The following HS3ST5 variants were observed in gnomAD, a reference collection of about 807,000 sequenced individuals.
HS3ST5 encodes the protein heparan sulfate-glucosamine 3-sulfotransferase 5.
In HS3ST5, 10 loss-of-function variants were observed where a neutral mutation model predicts 25.4. That is an observed-to-expected ratio of 0.39 (90% CI 0.24 to 0.67). The LOEUF (loss-of-function observed/expected upper bound fraction) is 0.67, where lower values mean the gene tolerates loss of function less well. HS3ST5 is among the 30% of genes least tolerant of loss of function. The pLI, the probability that HS3ST5 is intolerant of heterozygous loss-of-function variation, is 0.44. For missense variants in HS3ST5, 324 were observed against 420.7 expected, an observed-to-expected ratio of 0.77 and a Z score of 2.01; for synonymous variants, 170 against 162.4, an observed-to-expected ratio of 1.05 and a Z score of -0.36.
chr6:114,288,156 TTTG>T (rs1774418388), intron 1 of HS3ST5, among the ~76,000 whole-genome samples: 1 of 152,058 alleles, frequency 6.6e-6, no homozygotes, highest in Admixed American at 6.6e-5. Context: ...TGCAAAAATA[TTTG>T]TTAAGTAATG....
intron 1 of HS3ST5, among the ~76,000 whole-genome samples, chr6:114,300,426 G>A (rs1003237719): frequency 6.6e-6 from 1 of 152,114 alleles, no homozygotes; most frequent in Non-Finnish European, 1.5e-5. Flanking sequence ...AGTAATTAGG[G>A]AAATGCAATC....
At chr6:114,176,063 A>T (rs1352471604) in intron 2 of HS3ST5, among the ~76,000 whole-genome samples, 1 of 152,208 alleles carries the variant, frequency 6.6e-6, no homozygotes, top group African/African-American at 2.4e-5. Context: ...TCAAGGCAAT[A>T]ATAATGATGA....
chr6:114,146,601 C>T (rs968896255), intron 3 of HS3ST5, among the ~76,000 whole-genome samples: 17 of 152,292 alleles, frequency 1.1e-4, no homozygotes, highest in African/African-American at 3.8e-4. Flanking sequence ...CTAAGTGATA[C>T]GGTTTGTATA....
intron 1 of HS3ST5, among the ~76,000 whole-genome samples, chr6:114,262,371 T>C (rs577674395): frequency 5.1e-4 from 77 of 152,020 alleles, no homozygotes; most frequent in Non-Finnish European, 1.0e-3. Flanking sequence ...CATGGTGAAA[T>C]CCCATCTCTA....
At chr6:114,082,731 A>T (rs2114767940) in intron 3 of HS3ST5, among the ~76,000 whole-genome samples, 2 of 152,316 alleles carry the variant, frequency 1.3e-5, no homozygotes, top group East Asian at 3.9e-4. Context: ...TTTTAAACTT[A>T]ACTTCCTCGG....
intron 3 of HS3ST5, chr6:114,084,265 G>GCAGTTCCC: frequency 1.2e-6 from 1 of 857,604 alleles, no homozygotes; most frequent in Non-Finnish European, 2.0e-6. Context: ...CCAATATTCA[G>GCAGTTCCC]TAGGGAACTG....
intron 3 of HS3ST5, among the ~76,000 whole-genome samples, chr6:114,121,770 CT>C (rs1776798791): frequency 6.6e-6 from 1 of 152,080 alleles, no homozygotes; most frequent in South Asian, 2.1e-4. Flanking sequence ...CACATCATTC[CT>C]TAGCATATCT....
intron 1 of HS3ST5, among the ~76,000 whole-genome samples, chr6:114,253,134 G>T (rs765024682): frequency 6.6e-6 from 1 of 152,200 alleles, no homozygotes. Flanking sequence ...GTTCAAGGCT[G>T]CAGTGAGCTA....
intron 2 of HS3ST5, among the ~76,000 whole-genome samples, chr6:114,192,335 A>C (rs1194984414): frequency 6.6e-6 from 1 of 152,218 alleles, no homozygotes; most frequent in Non-Finnish European, 1.5e-5. Flanking sequence ...AATAACTATA[A>C]GATATAGATA....
intron 1 of HS3ST5, among the ~76,000 whole-genome samples, chr6:114,339,438 A>G (rs1490497798): frequency 6.6e-6 from 1 of 152,008 alleles, no homozygotes; most frequent in Non-Finnish European, 1.5e-5. Flanking sequence ...CTAAATAACT[A>G]CTTTTGTTAA....
intron 2 of HS3ST5, among the ~76,000 whole-genome samples, chr6:114,214,891 T>C (rs558528215): frequency 6.6e-6 from 1 of 152,270 alleles, no homozygotes; most frequent in Admixed American, 6.5e-5. Flanking sequence ...TGGACCTCAC[T>C]ACCAATAGAC....
At chr6:114,215,340 A>G (rs1781703088) in intron 2 of HS3ST5, among the ~76,000 whole-genome samples, 1 of 151,996 alleles carries the variant, frequency 6.6e-6, no homozygotes, top group African/African-American at 2.4e-5. Flanking sequence ...CAACAGCAAC[A>G]AAAAACTCAG....
At chr6:114,330,709 C>T (rs1205605162) in intron 1 of HS3ST5, among the ~76,000 whole-genome samples, 2 of 152,134 alleles carry the variant, frequency 1.3e-5, no homozygotes, top group Admixed American at 1.3e-4. Context: ...GAGCCAAGAC[C>T]CCACTTGGTT....
At position 114,320,139 on chromosome 6, in the gene HS3ST5, TTGGGA is replaced by T. The variant is rs1368779787; in HGVS notation, c.-339+22051_-339+22055del. Among the ~76,000 whole-genome samples the T allele has an allele frequency of 2.6e-5, 4 of 152,254 alleles. No homozygotes were observed. The South Asian group carries it at 8.3e-4, about 32-fold the overall frequency. ...TACTCTGTAGGTGACTGCACTGTTA[TTGGGA>T]CTCTACATACATTATCTTTAATTCT... On this transcript the variant is annotated intron_variant, in intron 1 of 4. Coordinates refer to ENST00000312719, the MANE Select transcript of HS3ST5 (RefSeq NM_153612.4).
intron 1 of HS3ST5, among the ~76,000 whole-genome samples, chr6:114,330,268 T>G (rs1180628430): frequency 3.3e-5 from 5 of 152,210 alleles, no homozygotes; most frequent in African/African-American, 1.2e-4. Flanking sequence ...TTCTGAATTT[T>G]TTTTACTTTT....
chr6:114,201,748 G>A (rs1254321851), intron 2 of HS3ST5, among the ~76,000 whole-genome samples: 5 of 152,142 alleles, frequency 3.3e-5, no homozygotes, highest in Admixed American at 6.5e-5. Flanking sequence ...AATTTATAAA[G>A]GAAAGAGGTA....
At chr6:114,118,519 T>C (rs1025927248) in intron 3 of HS3ST5, among the ~76,000 whole-genome samples, 1 of 152,230 alleles carries the variant, frequency 6.6e-6, no homozygotes, top group African/African-American at 2.4e-5. Context: ...TACCATTATT[T>C]ACCATTATCT....
Position 114,150,673 on chromosome 6 carries a change from T to A in HS3ST5, c.-33+17678A>T, listed in dbSNP as rs148736957. ...AAAGGAGGATTTGCATTCTATAGCA[T>A]ACATGCAATATTTTTTAAAAAAGAT... On this transcript the variant is annotated intron_variant, in intron 3 of 4. Transcript: ENST00000312719. Among the ~76,000 whole-genome samples, 322 of 152,310 alleles carry A rather than the reference T, an allele frequency of 2.1e-3. 2 individuals carry two copies. Among genetic ancestry groups the A allele is most frequent in the Middle Eastern group, 3.4e-3 (1 of 294 alleles).
chr6:114,242,838 C>T (rs527608157), intron 1 of HS3ST5, among the ~76,000 whole-genome samples: 58 of 136,416 alleles, frequency 4.3e-4, no homozygotes, highest in South Asian at 3.0e-3. Context: ...CCGGCCTGGG[C>T]GACAGAGCGA....
Sources: allele counts gnomAD v4.1 joint callset (sites outside exome capture counted in the v4.1 genomes callset), GRCh38; gene constraint gnomAD v4.1.1; transcripts MANE v1.5; gene names NCBI Gene and HGNC (gene_info 2026-07-23, HGNC 2026-07-21).